Variants in PABIR1 observed in about 807,000 individuals in gnomAD.
PABIR1 encodes PPP2R1A-PPP2R2A-interacting phosphatase regulator 1.
A neutral mutation model predicts 14.6 loss-of-function variants in PABIR1; 2 were observed. The observed-to-expected ratio is 0.14, with a 90% CI of 0.06 to 0.43. The LOEUF is 0.43. Among genes scored for constraint, PABIR1 ranks in the 20% least tolerant of loss-of-function variants. PABIR1 has a pLI of 0.99. For missense variants in PABIR1, 294 were observed against 379.0 expected (o/e 0.78, Z 1.86); for synonymous variants, 163 against 155.4 (o/e 1.05, Z -0.36).
Position 68,780,565 on chromosome 9 carries a change from C to T in PABIR1, c.401C>T (p.Pro134Leu). ...AACGACGTGGAGAAATCCGCCTCCC[C>T]CAAGCGCATCGATTTCATTCCTGTG... ...SDNDVEKSAS[P>L]KRIDFIPVSP... Residue 134 changes from proline to leucine, a missense_variant, in exon 1 of 1, where the codon CCC (proline) becomes CTC (leucine). Physicochemically the swap from Pro to Leu is moderately conservative, Grantham distance 98 (BLOSUM62 -3). Around this residue, in one of 3 missense-constraint regions of PABIR1, gnomAD observed 103 missense variants for 175.9 expected, o/e 0.59. Transcript: ENST00000394264. The T allele has an allele frequency of 6.2e-7, 1 of 1,614,204 alleles. No individual in the cohort carries two copies. Among genetic ancestry groups the T allele is most frequent in the Non-Finnish European group, 8.5e-7 (1 of 1,180,038 alleles).
chr9:68,780,519 G>A lies in PABIR1; in HGVS notation c.355G>A (p.Glu119Lys), dbSNP rs771466532. ...AATGCAGATAAGCCACTCCTGGGAG[G>A]AAAGTTTCAGCCTGAGTGACAACGA... The part of the protein sequence containing the change: ...TAMQISHSWE[E>K]SFSLSDNDVE... The change falls in exon 1 of 1, where the codon GAA becomes AAA. Residue 119 changes from glutamate to lysine, a missense_variant. Glu to Lys is a moderately conservative substitution (Grantham distance 56). Coordinates refer to ENST00000394264, the MANE Select transcript of PABIR1 (RefSeq NM_138333.5). The A allele has an allele frequency of 6.2e-7, 1 of 1,614,206 alleles. No individual in the cohort carries two copies. The highest frequency in any genetic ancestry group is 1.1e-5 in the South Asian group (1 of 91,088).
At position 68,784,770 on chromosome 9, in the gene PABIR1, G is replaced by A. The variant is rs913484498; in HGVS notation, c.*3742G>A. ...CACCAGAGAACAGAAGAAAGAGTTG[G>A]CCTTGGAAAGGAGGTCTGGAAACTT... On this transcript the variant is annotated 3_prime_UTR_variant, in exon 1 of 1. Coordinates refer to ENST00000394264, the MANE Select transcript of PABIR1 (RefSeq NM_138333.5). Among the ~76,000 whole-genome samples, 2 of 152,178 alleles carry A rather than the reference G, an allele frequency of 1.3e-5. No homozygotes were observed. The highest frequency in any genetic ancestry group is 4.8e-5 in the African/African-American group (2 of 41,436).
Position 68,780,082 on chromosome 9 carries a change from G to GGCA in PABIR1, c.-80_-78dup. The GGCA allele has an allele frequency of 7.5e-7, 1 of 1,334,336 alleles. No individual in the cohort carries two copies. Among genetic ancestry groups the GGCA allele is most frequent in the South Asian group, 2.4e-5 (1 of 42,192 alleles). 82.7% of individuals were successfully genotyped at this position (1,334,336 alleles called of 1,614,324 possible). ...CCGCTGACAGATTCTCGGTGGCGGC[G>GGCA]GCAGCGGCGGCGGCCCTGGACTGCG... On this transcript the variant is annotated 5_prime_UTR_variant, in exon 1 of 1. Coordinates refer to ENST00000394264, the MANE Select transcript of PABIR1 (RefSeq NM_138333.5).
rs1831291607 is a variant in PABIR1 at position 68,781,688 on chromosome 9, A to G, written c.*660A>G. ...GAAAAACATTTTTAATGAGATTTTA[A>G]TAGTAATTCTAGTCAGTCATACAAC... On this transcript the variant is annotated 3_prime_UTR_variant, in exon 1 of 1. Transcript: ENST00000394264. 1 of 166,796 alleles carries G rather than the reference A, an allele frequency of 6.0e-6. No homozygotes were observed. Among genetic ancestry groups the G allele is most frequent in the African/African-American group, 2.4e-5 (1 of 41,472 alleles). The allele number at this position is 166,796 out of a possible 1,614,324, so 10.3% of individuals were successfully genotyped here.
rs1207191776 is a variant in PABIR1, at chr9:68,783,280, CCTT to C, written c.*2256_*2258del. 6.0e-6 allele frequency: 1 copy of C among 166,848 alleles called. No individual in the cohort carries two copies. The highest frequency in any genetic ancestry group is 1.5e-5 in the Non-Finnish European group (1 of 68,106). The allele number at this position is 166,848 out of a possible 1,614,324, so 10.3% of individuals were successfully genotyped here. A position where few individuals can be genotyped will look rare whatever the true frequency, so the allele number is the denominator to read the frequency against. On this transcript the variant is annotated 3_prime_UTR_variant, in exon 1 of 1. Transcript: ENST00000394264. The stretch of plus-strand genomic sequence containing the variant: ...CATCTCTGTTCCAGTATACATCTTT[CCTT>C]CTTATTCTGCAAACATTAGACCACT...
In PABIR1 at chr9:68,780,223, C is replaced by A; in HGVS notation, c.59C>A (p.Pro20Gln). 1 of 1,539,630 alleles carries A rather than the reference C, an allele frequency of 6.5e-7. No individual in the cohort carries two copies. The highest frequency in any genetic ancestry group is 1.4e-5 in the African/African-American group (1 of 72,178). ...CTGCCTCCGGGTACGGGCGGGAGCC[C>A]GGCGGAGGGCGGTGGCAGCGGCGGC... ...LELPPGTGGS[P>Q]AEGGGSGGGG... Residue 20 changes from proline (P) to glutamine (Q), a missense_variant, in exon 1 of 1, where the codon CCG becomes CAG. Pro to Gln is a moderately conservative substitution (Grantham distance 76, BLOSUM62 -1). Coordinates refer to ENST00000394264, the MANE Select transcript of PABIR1 (RefSeq NM_138333.5).
chr9:68,780,117 A>C lies in PABIR1; in HGVS notation c.-48A>C. 6.8e-7 allele frequency: 1 copy of C among 1,476,892 alleles called. No homozygotes were observed. Among genetic ancestry groups the C allele is most frequent in the Non-Finnish European group, 8.9e-7 (1 of 1,118,636 alleles). The allele number at this position is 1,476,892 out of a possible 1,614,324, so 91.5% of individuals were successfully genotyped here. ...GCGGCCCTGGACTGCGGGGAATGGG[A>C]ATCCTAGGTCCCTGACTGAGCACCT... On this transcript the variant is annotated 5_prime_UTR_variant, in exon 1 of 1. Coordinates refer to ENST00000394264, the MANE Select transcript of PABIR1 (RefSeq NM_138333.5).
rs1466547853 is a variant in PABIR1 at position 68,783,044 on chromosome 9, TC to T, written c.*2019del. ...GCCTTAAGTTCTTGCCTGAGTGATC[TC>T]CCAGCCTGTCTTCTGTCTCCTTTTG... is the stretch of plus-strand genomic sequence containing the variant. On this transcript the variant is annotated 3_prime_UTR_variant, in exon 1 of 1. Transcript: ENST00000394264. The T allele has an allele frequency of 1.2e-5, 2 of 167,200 alleles. No homozygotes were observed. Among genetic ancestry groups the T allele is most frequent in the African/African-American group, 4.8e-5 (2 of 41,596 alleles). 10.4% of individuals were successfully genotyped at this position (167,200 alleles called of 1,614,324 possible).
At position 68,781,953 on chromosome 9, in the gene PABIR1, T is replaced by C. The variant is rs149614911; in HGVS notation, c.*925T>C. 2.2e-4 allele frequency: 37 copies of C among 167,176 alleles called. No homozygotes were observed. In the East Asian group the frequency reaches 6.4e-3, roughly 29 times the overall value. 10.4% of individuals were successfully genotyped at this position (167,176 alleles called of 1,614,324 possible). On this transcript the variant is annotated 3_prime_UTR_variant, in exon 1 of 1. Coordinates refer to ENST00000394264, the MANE Select transcript of PABIR1 (RefSeq NM_138333.5). ...CAGGTAAACAATACTCTCTCAATTG[T>C]TGATATACTTTAAAATATTCAGTTG...
In PABIR1 at chr9:68,780,932, C is replaced by T. The variant is rs1831230390; in HGVS notation, c.768C>T (p.Asn256=). Residue 256 remains asparagine (N), a synonymous_variant, in exon 1 of 1, where the codon AAC becomes AAT. Transcript: ENST00000394264. ...GNSSSAGSSC[N]SPAKVSTTTD... ...GCAGCAGTGCCGGATCTTCTTGTAA[C>T]TCACCAGCGAAAGTCAGCACTACCA... 2 of 1,614,034 alleles carry T rather than the reference C, an allele frequency of 1.2e-6. No homozygotes were observed. Among genetic ancestry groups the T allele is most frequent in the East Asian group, 4.5e-5 (2 of 44,892 alleles).
At position 68,785,231 on chromosome 9, in the gene PABIR1, T is replaced by C. The variant is rs1831543526; in HGVS notation, c.*4203T>C. Among the ~76,000 whole-genome samples the C allele has an allele frequency of 6.6e-6, 1 of 152,106 alleles. No individual in the cohort carries two copies. Among genetic ancestry groups the C allele is most frequent in the Non-Finnish European group, 1.5e-5 (1 of 68,006 alleles). On this transcript the variant is annotated 3_prime_UTR_variant, in exon 1 of 1. Transcript: ENST00000394264. ...GTAGTTTGAATGATTGGCTGAGGCA[T>C]TGAGGATAAGAGAAGGGAGCAGAGG...
At position 68,780,389 on chromosome 9, in the gene PABIR1, C is replaced by T. The variant is rs35278692; in HGVS notation, c.225C>T (p.Ala75=). The part of the protein sequence containing the change: ...FPSRHGLLLP[A]SPVRMHSSRL... ...GCCGCCACGGCCTGCTGCTGCCGGC[C>T]TCCCCTGTCCGCATGCACAGCAGCC... Residue 75 remains alanine, a synonymous_variant, in exon 1 of 1, where the codon GCC becomes GCT. Transcript: ENST00000394264. The T allele has an allele frequency of 8.1e-6, 13 of 1,613,590 alleles. No homozygotes were observed. In the East Asian group the frequency reaches 1.8e-4, roughly 22 times the overall value.
Position 68,780,623 on chromosome 9 carries a change from G to C in PABIR1, c.459G>C (p.Gly153=). ...CACCGTCACCCACTCGGGGAATTGG[G>C]AAGCAGTGTTTTTCGCCATCCTTGC... ...SPAPSPTRGI[G]KQCFSPSLQS... is the part of the protein sequence containing the mutation. The change falls in exon 1 of 1, where the codon GGG becomes GGC. Residue 153 remains glycine, a synonymous_variant. Coordinates refer to ENST00000394264, the MANE Select transcript of PABIR1 (RefSeq NM_138333.5). 1 of 1,614,200 alleles carries C rather than the reference G, an allele frequency of 6.2e-7. No homozygotes were observed. Among genetic ancestry groups the C allele is most frequent in the Admixed American group, 1.7e-5 (1 of 60,020 alleles).
rs946875774 is a variant in PABIR1, at chr9:68,785,029, G to C, written c.*4001G>C. ...AGTAAAGGTTTAATGTTGCCTCTGAGAATCTAAAGGAGTAAGTTAAGGACA... is the reference window on the plus strand; with the variant it reads ...AGTAAAGGTTTAATGTTGCCTCTGACAATCTAAAGGAGTAAGTTAAGGACA... On this transcript the variant is annotated 3_prime_UTR_variant, in exon 1 of 1. Coordinates refer to ENST00000394264, the MANE Select transcript of PABIR1 (RefSeq NM_138333.5). Among the ~76,000 whole-genome samples the C allele has an allele frequency of 6.6e-6, 1 of 152,120 alleles. No homozygotes were observed. The highest frequency in any genetic ancestry group is 2.4e-5 in the African/African-American group (1 of 41,422).
In PABIR1 at chr9:68,780,229, A is replaced by G. The variant is rs745618786; in HGVS notation, c.65A>G (p.Glu22Gly). ...LPPGTGGSPA[E>G]GGGSGGGGGL... is the part of the protein sequence containing the mutation. ...CCGGGTACGGGCGGGAGCCCGGCGG[A>G]GGGCGGTGGCAGCGGCGGCGGCGGG... The change falls in exon 1 of 1, where the codon GAG becomes GGG. Residue 22 changes from glutamate (E) to glycine (G), a missense_variant. Coordinates refer to ENST00000394264, the MANE Select transcript of PABIR1 (RefSeq NM_138333.5). The G allele has an allele frequency of 1.1e-5, 17 of 1,542,066 alleles. No individual in the cohort carries two copies. The highest frequency in any genetic ancestry group is 1.5e-5 in the Non-Finnish European group (17 of 1,150,168).
chr9:68,780,082 G>GTATCATTA lies in PABIR1; in HGVS notation c.-83_-82insTATCATTA. 12 of 1,334,300 alleles carry GTATCATTA rather than the reference G, an allele frequency of 9.0e-6. No individual in the cohort carries two copies. The highest frequency in any genetic ancestry group is 6.7e-5 in the Admixed American group (2 of 29,940). 82.7% of individuals were successfully genotyped at this position (1,334,300 alleles called of 1,614,324 possible). On this transcript the variant is annotated 5_prime_UTR_variant, in exon 1 of 1. Transcript: ENST00000394264. ...CCGCTGACAGATTCTCGGTGGCGGC[G>GTATCATTA]GCAGCGGCGGCGGCCCTGGACTGCG...
Position 68,781,330 on chromosome 9 carries a change from C to G in PABIR1, c.*302C>G, listed in dbSNP as rs1014537168. The G allele has an allele frequency of 7.7e-6, 2 of 259,452 alleles. No homozygotes were observed. The highest frequency in any genetic ancestry group is 5.0e-5 in the Admixed American group (1 of 19,992). 16.1% of individuals were successfully genotyped at this position (259,452 alleles called of 1,614,324 possible). A position where few individuals can be genotyped will look rare whatever the true frequency, so the allele number is the denominator to read the frequency against. On this transcript the variant is annotated 3_prime_UTR_variant, in exon 1 of 1. Transcript: ENST00000394264. Reference sequence around the variant, plus strand: ...CTTGATTTTTTTAAATAACTGAGAGCTCTATTTATTTATGGGATTATTAAG... The same window carrying G: ...CTTGATTTTTTTAAATAACTGAGAGGTCTATTTATTTATGGGATTATTAAG...
chr9:68,782,552 G>A lies in PABIR1; in HGVS notation c.*1524G>A, dbSNP rs1169918573. ...AAAGCTCTGACTGTTTAAAGTTATC[G>A]CTTACAGAGACTTTAACAATTTTGT... On this transcript the variant is annotated 3_prime_UTR_variant, in exon 1 of 1. Transcript: ENST00000394264. 6 of 167,144 alleles carry A rather than the reference G, an allele frequency of 3.6e-5. No homozygotes were observed. The East Asian group carries it at 9.6e-4, about 27-fold the overall frequency. The allele number at this position is 167,144 out of a possible 1,614,324, so 10.4% of individuals were successfully genotyped here.
rs1831513657 is a variant in PABIR1 at position 68,784,709 on chromosome 9, A to G, written c.*3681A>G. On this transcript the variant is annotated 3_prime_UTR_variant, in exon 1 of 1. Coordinates refer to ENST00000394264, the MANE Select transcript of PABIR1 (RefSeq NM_138333.5). The stretch of plus-strand genomic sequence containing the variant: ...GAGTCAGGGGAATGGTTGCCAGACA[A>G]TTGAACCAAGAAGATGATGATCATT... 6.3e-6 allele frequency: 1 copy of G among 159,260 alleles called. No homozygotes were observed. Among genetic ancestry groups the G allele is most frequent in the Non-Finnish European group, 1.5e-5 (1 of 68,084 alleles). The allele number at this position is 159,260 out of a possible 1,614,324, so 9.9% of individuals were successfully genotyped here.
Sources: allele counts gnomAD v4.1 joint callset (sites outside exome capture counted in the v4.1 genomes callset), GRCh38; gene constraint gnomAD v4.1.1; regional missense constraint gnomAD v4.1.1; transcripts MANE v1.5; gene names NCBI Gene and HGNC (gene_info 2026-07-23, HGNC 2026-07-21).